Variants in ACLY observed in about 807,000 individuals in gnomAD.
ACLY encodes the protein ATP-citrate synthase.
ACLY carries 41 observed loss-of-function variants against 133.0 expected under a neutral mutation model. That is an observed-to-expected ratio of 0.31 (90% CI 0.24 to 0.40). The LOEUF is 0.40. Among genes scored for constraint, ACLY ranks in the 10% least tolerant of loss-of-function variants. The pLI, the probability that ACLY is intolerant of heterozygous loss-of-function variation, is 1.00. For synonymous variants in ACLY, 495 were observed against 549.3 expected, an observed-to-expected ratio of 0.90 and a Z score of 1.38; for missense variants, 1,046 against 1,453.8, an observed-to-expected ratio of 0.72 and a Z score of 4.56.
Position 41,883,263 on chromosome 17 carries a change from A to G in ACLY, c.2155-31T>C, listed in dbSNP as rs187181039. The G allele has an allele frequency of 4.1e-3, 6,474 of 1,582,908 alleles. 41 individuals carry two copies. Among genetic ancestry groups the G allele is most frequent in the Non-Finnish European group, 3.7e-3 (4,225 of 1,153,682 alleles). On this transcript the variant is annotated intron_variant, in intron 19 of 28. Transcript: ENST00000352035. Reference sequence around the variant, plus strand: ...AAGGAATGGGGAATGAGAAAAAGCCAAGTTAGTGCAGCCCATCCTGACGTA... The same window carrying G: ...AAGGAATGGGGAATGAGAAAAAGCCGAGTTAGTGCAGCCCATCCTGACGTA...
At chr17:41,882,012 C>T (rs1356235499) in intron 20 of ACLY, among the ~76,000 whole-genome samples, 1 of 152,042 alleles carries the variant, frequency 6.6e-6, no homozygotes, top group Non-Finnish European at 1.5e-5. Context: ...CTTTGCATGC[C>T]TGCCCTGTTT....
intron 1 of ACLY, among the ~76,000 whole-genome samples, chr17:41,917,131 T>G (rs1410504604): frequency 3.4e-5 from 4 of 116,126 alleles, no homozygotes; most frequent in African/African-American, 1.4e-4. Context: ...CAAGACTCTG[T>G]CTCAAAAAAA....
intron 22 of ACLY, among the ~76,000 whole-genome samples, chr17:41,877,857 G>A (rs1178515939): frequency 2.0e-5 from 3 of 152,064 alleles, no homozygotes; most frequent in Non-Finnish European, 2.9e-5. Context: ...TTTGGGACTC[G>A]GACTGGCTCT....
In ACLY at chr17:41,905,585, GC is replaced by G; in HGVS notation, c.939del (p.Glu313AspfsTer15). 1 of 1,614,196 alleles carries G rather than the reference GC, an allele frequency of 6.2e-7. No individual in the cohort carries two copies. The highest frequency in any genetic ancestry group is 8.5e-7 in the Non-Finnish European group (1 of 1,180,038). On this transcript the variant is annotated frameshift_variant, in exon 9 of 29. Transcript: ENST00000352035. LOFTEE classifies it high-confidence loss of function. ...NYGEYSGAPSEQQTYDYAKTI... is the reference protein window; with the variant it reads ...NYGEYSGAPSXQQTYDYAKTI... ...GTCTTGGCATAGTCATAGGTCTGCT[GC>G]TCGCTGGGGGCGCCTGAGTACTCCC...
intron 17 of ACLY, 54 bp downstream of exon 17, chr17:41,887,545 T>C: frequency 2.7e-6 from 4 of 1,485,434 alleles, no homozygotes; most frequent in Non-Finnish European, 3.8e-6. Context: ...CTAAGGGCAT[T>C]GAACTTCATA....
rs144011327 is a variant in ACLY, at chr17:41,885,295, C to T, written c.2072+817G>A. Among the ~76,000 whole-genome samples, 16 of 152,238 alleles carry T rather than the reference C, an allele frequency of 1.1e-4. No individual in the cohort carries two copies. The East Asian group carries it at 3.1e-3, about 29-fold the overall frequency. ...AGGCAGTACCCAAGGACTGGGGATT[C>T]CCAGGCTACACCCCTAAAGACCTTG... On this transcript the variant is annotated intron_variant, in intron 18 of 28. Coordinates refer to ENST00000352035, the MANE Select transcript of ACLY (RefSeq NM_001096.3).
chr17:41,884,101 G>A lies in ACLY; in HGVS notation c.2154+92C>T, dbSNP rs983857007. On this transcript the variant is annotated intron_variant, in intron 19 of 28. Coordinates refer to ENST00000352035, the MANE Select transcript of ACLY (RefSeq NM_001096.3). The stretch of plus-strand genomic sequence containing the variant: ...GGATTACCAGGGACTGTCCCTTTAA[G>A]TTACATGTAACCAAAATGTTTTAAT... 1.2e-4 allele frequency: 91 copies of A among 768,898 alleles called. No homozygotes were observed. The African/African-American group carries it at 1.5e-3, about 13-fold the overall frequency. 47.6% of individuals were successfully genotyped at this position (768,898 alleles called of 1,614,324 possible).
rs558035134 is a variant in ACLY, at chr17:41,928,815, T to C, written c.-28+1543A>G. Among the ~76,000 whole-genome samples the C allele has an allele frequency of 1.4e-4, 20 of 146,102 alleles. No individual in the cohort carries two copies. The East Asian group carries it at 3.5e-3, about 25-fold the overall frequency. On this transcript the variant is annotated intron_variant, in intron 1 of 3. Transcript: ENST00000592970. The stretch of plus-strand genomic sequence containing the variant: ...TTGCAGTGAGCCGAGATCACATCAC[T>C]GCACTCCAGCCTGAGTGACAGAGTG...
upstream of ACLY, among the ~76,000 whole-genome samples, chr17:41,921,646 AGT>A (rs35852930): frequency 0.014 from 2,142 of 152,174 alleles, 54 homozygotes; most frequent in African/African-American, 0.049. Flanking sequence ...TTGGCAATAC[AGT>A]GAGTCTATGT....
At chr17:41,898,940 C>T (rs2049448266) in intron 11 of ACLY, among the ~76,000 whole-genome samples, 155 bp from the exon 12 acceptor site, 1 of 152,198 alleles carries the variant, frequency 6.6e-6, no homozygotes. Flanking sequence ...CATAATTTCA[C>T]CACCAGACAA....
intron 20 of ACLY, among the ~76,000 whole-genome samples, chr17:41,882,207 G>A (rs4796728): frequency 0.9 from 135,927 of 151,110 alleles, 61,301 homozygotes; most frequent in East Asian, 1. Flanking sequence ...TCTCTACTAA[G>A]AATACAAAAA....
At chr17:41,868,016 T>C in intron 28 of ACLY, 112 bp from the exon 29 acceptor site, 1 of 695,322 alleles carries the variant, frequency 1.4e-6, no homozygotes, top group Admixed American at 2.7e-5. Context: ...CACAAAGCAG[T>C]GGGAAGTTTA....
upstream of ACLY, among the ~76,000 whole-genome samples, chr17:41,921,204 A>G (rs1362132663): frequency 6.6e-6 from 1 of 151,898 alleles, no homozygotes; most frequent in Non-Finnish European, 1.5e-5. Flanking sequence ...AGGCTGAGGC[A>G]GGAGAATTGC....
intron 16 of ACLY, among the ~76,000 whole-genome samples, chr17:41,890,897 T>C (rs937687153): frequency 9.2e-5 from 13 of 141,994 alleles, no homozygotes; most frequent in Non-Finnish European, 1.7e-4. Context: ...TCCCAGCTAC[T>C]CAGAAGGCTG....
chr17:41,920,363 G>T (rs1170250983), upstream of ACLY, among the ~76,000 whole-genome samples: 1 of 152,100 alleles, frequency 6.6e-6, no homozygotes, highest in Non-Finnish European at 1.5e-5. Flanking sequence ...ACTTTGGAAG[G>T]CCAAGGTGGG....
chr17:41,896,728 A>G, intron 13 of ACLY, 79 bp from the exon 14 acceptor site: 1 of 1,357,326 alleles, frequency 7.4e-7, no homozygotes, highest in Non-Finnish European at 1.0e-6. Context: ...GGGAACAGGG[A>G]AGGGTCCCAT....
intron 22 of ACLY, among the ~76,000 whole-genome samples, chr17:41,877,657 C>A (rs1318216266): frequency 6.6e-6 from 1 of 152,074 alleles, no homozygotes; most frequent in African/African-American, 2.4e-5. Flanking sequence ...AAGAGATTAT[C>A]ATTTGAGTCA....
chr17:41,925,434 CA>C (rs34698648), intron 1 of ACLY, among the ~76,000 whole-genome samples: 75,364 of 110,966 alleles, frequency 0.68, 24,996 homozygotes, highest in Middle Eastern at 0.82. Context: ...CCTTCTCTAC[CA>C]AAAAAAAAAA....
chr17:41,906,550 C>T lies in ACLY; in HGVS notation c.844G>A (p.Gly282Ser). 1.2e-6 allele frequency: 2 copies of T among 1,614,174 alleles called. No homozygotes were observed. The highest frequency in any genetic ancestry group is 8.5e-7 in the Non-Finnish European group (1 of 1,180,018). ...KGRIWTMVAG[G>S]GASVVYSDTI... Reference sequence around the variant, plus strand: ...CACCTGTACACGACAGAGGCGCCACCCCCGGCCACCATGGTCCAGATCCTC... The same window carrying T: ...CACCTGTACACGACAGAGGCGCCACTCCCGGCCACCATGGTCCAGATCCTC... The change falls in exon 8 of 29, where the codon GGT (glycine) becomes AGT (serine). Residue 282 changes from glycine (G) to serine (S), a missense_variant. This residue lies in a region of ACLY where 575 missense variants were observed against 804.2 expected (regional missense o/e 0.71). Transcript: ENST00000352035.
Sources: gnomAD v4.1 joint callset for allele counts (sites outside exome capture counted in the v4.1 genomes callset) on GRCh38, gnomAD v4.1.1 for gene constraint, gnomAD v4.1.1 regional missense constraint, MANE v1.5 for transcripts, NCBI Gene and HGNC (gene_info 2026-07-23, HGNC 2026-07-21) for gene names.